The following RBFOX1 variants were observed in gnomAD, a reference collection of about 807,000 sequenced individuals.
RBFOX1 encodes the protein RNA binding protein fox-1 homolog 1.
Under a neutral mutation model 57.7 loss-of-function variants are expected in RBFOX1, and 8 were observed. The ratio of observed to expected loss-of-function variants is 0.14; its 90% CI spans 0.08 to 0.25. The LOEUF is 0.25. RBFOX1 is among the 10% of genes least tolerant of loss of function. The pLI is 1.00. For synonymous variants in RBFOX1, 326 were observed against 222.4 expected (o/e 1.47, Z -4.15); for missense variants, 611 against 548.5 (o/e 1.11, Z -1.14).
chr16:6,450,811 A>ATATACATGTATATATG (rs1344004753), intron 2 of RBFOX1, among the ~76,000 whole-genome samples: 1 of 24,104 alleles, frequency 4.1e-5, no homozygotes. Context: ...GTATATATAT[A>ATATACATGTATATATG]TATATACATA....
At chr16:7,307,833 A>C (rs1167506382) in intron 4 of RBFOX1, among the ~76,000 whole-genome samples, 3 of 152,222 alleles carry the variant, frequency 2.0e-5, no homozygotes, top group Non-Finnish European at 4.4e-5. Context: ...TCCTTGGAGC[A>C]ACTGGCTTCA....
chr16:6,436,902 G>A (rs1439221663), intron 2 of RBFOX1, among the ~76,000 whole-genome samples: 5 of 151,992 alleles, frequency 3.3e-5, no homozygotes, highest in African/African-American at 7.2e-5. Flanking sequence ...TAACATAGGG[G>A]GATTTATTAT....
intron 2 of RBFOX1, among the ~76,000 whole-genome samples, chr16:6,381,270 C>T (rs1235965081): frequency 1.3e-5 from 2 of 152,128 alleles, no homozygotes; most frequent in Admixed American, 6.5e-5. Flanking sequence ...TTAGTGTACC[C>T]ATCACTGGAA....
chr16:5,920,682 C>G (rs1156720111), intron 4 of RBFOX1, among the ~76,000 whole-genome samples: 2 of 152,106 alleles, frequency 1.3e-5, no homozygotes, highest in African/African-American at 4.8e-5. Context: ...AGGAGCGTGC[C>G]CAGGTAGGAT....
At chr16:5,773,470 C>T (rs938039096) in intron 3 of RBFOX1, among the ~76,000 whole-genome samples, 1 of 152,158 alleles carries the variant, frequency 6.6e-6, no homozygotes, top group South Asian at 2.1e-4. Flanking sequence ...TATTCTGTGT[C>T]GTAGTTGATT....
At chr16:5,732,547 C>A (rs1458878844) in intron 3 of RBFOX1, among the ~76,000 whole-genome samples, 1 of 152,162 alleles carries the variant, frequency 6.6e-6, no homozygotes, top group African/African-American at 2.4e-5. Context: ...ACTTTGGGGT[C>A]AGGCAGACGA....
At chr16:7,386,339 C>T (rs932744484) in intron 4 of RBFOX1, among the ~76,000 whole-genome samples, 2 of 152,064 alleles carry the variant, frequency 1.3e-5, no homozygotes, top group Non-Finnish European at 2.9e-5. Context: ...CCCATCACCC[C>T]GTCATCTACA....
chr16:7,232,053 T>C (rs1407375013), intron 4 of RBFOX1, among the ~76,000 whole-genome samples: 1 of 151,750 alleles, frequency 6.6e-6, no homozygotes, highest in East Asian at 1.9e-4. Flanking sequence ...TGAGACAGAG[T>C]CTCGGTCTGT....
intron 11 of RBFOX1, among the ~76,000 whole-genome samples, chr16:7,638,517 TG>T (rs772683167): frequency 3.3e-5 from 5 of 152,176 alleles, no homozygotes; most frequent in Non-Finnish European, 5.9e-5. Flanking sequence ...CAACTCTATT[TG>T]GGCCAAGGCT....
At chr16:6,814,758 G>A (rs1045033078) in intron 3 of RBFOX1, among the ~76,000 whole-genome samples, 4 of 152,082 alleles carry the variant, frequency 2.6e-5, no homozygotes, top group African/African-American at 9.7e-5. Context: ...TGGGGGAGAG[G>A]TGGGGCTAGA....
chr16:5,708,078 A>G (rs2051318756), intron 3 of RBFOX1, among the ~76,000 whole-genome samples: 1 of 152,152 alleles, frequency 6.6e-6, no homozygotes, highest in Non-Finnish European at 1.5e-5. Context: ...TGTCCATACC[A>G]AACAAGACGC....
chr16:6,521,890 CTG>C (rs1321990684), intron 2 of RBFOX1, among the ~76,000 whole-genome samples: 1 of 152,020 alleles, frequency 6.6e-6, no homozygotes, highest in African/African-American at 2.4e-5. Flanking sequence ...CCATTTTAAT[CTG>C]TGTTTGGGTC....
intron 3 of RBFOX1, among the ~76,000 whole-genome samples, chr16:5,691,323 G>T (rs1315605652): frequency 6.6e-5 from 10 of 152,200 alleles, no homozygotes; most frequent in African/African-American, 2.4e-4. Context: ...GAAGCTGGTA[G>T]TCTCTGCCTG....
At chr16:7,410,382 C>T (rs1211257882) in intron 4 of RBFOX1, among the ~76,000 whole-genome samples, 1 of 152,196 alleles carries the variant, frequency 6.6e-6, no homozygotes, top group African/African-American at 2.4e-5. Context: ...AAACCCAGGA[C>T]CTTAAGACTG....
intron 2 of RBFOX1, among the ~76,000 whole-genome samples, chr16:6,350,866 T>C (rs1347545249): frequency 6.6e-6 from 1 of 152,160 alleles, no homozygotes; most frequent in Non-Finnish European, 1.5e-5. Context: ...TGAACCAGGG[T>C]CTGAAAACTT....
At chr16:6,258,315 C>A (rs919181864) in intron 1 of RBFOX1, among the ~76,000 whole-genome samples, 1 of 151,702 alleles carries the variant, frequency 6.6e-6, no homozygotes, top group Non-Finnish European at 1.5e-5. Flanking sequence ...ACAATGACAG[C>A]AAAGATACAC....
At chr16:6,505,703 A>T (rs2096070544) in intron 2 of RBFOX1, among the ~76,000 whole-genome samples, 1 of 152,238 alleles carries the variant, frequency 6.6e-6, no homozygotes, top group Non-Finnish European at 1.5e-5. Context: ...GAAAAAGTGT[A>T]GTACTCTTTG....
At chr16:7,644,915 G>A (rs971603793) in intron 11 of RBFOX1, among the ~76,000 whole-genome samples, 4 of 152,124 alleles carry the variant, frequency 2.6e-5, no homozygotes, top group African/African-American at 9.7e-5. Context: ...CAAGTTCACT[G>A]TTAGAGCCTG....
intron 4 of RBFOX1, among the ~76,000 whole-genome samples, chr16:7,308,770 A>G (rs1347048631): frequency 2.0e-5 from 3 of 152,338 alleles, no homozygotes; most frequent in South Asian, 4.1e-4. Context: ...CTCTCGCGCG[A>G]AGGCTGCAGG....
Sources: allele counts gnomAD v4.1 joint callset (sites outside exome capture counted in the v4.1 genomes callset), GRCh38; gene constraint gnomAD v4.1.1; transcripts MANE v1.5; gene names NCBI Gene and HGNC (gene_info 2026-07-23, HGNC 2026-07-21).